EDARADD: variants seen among roughly 807,000 people sequenced by gnomAD.
The protein encoded by EDARADD is EDAR associated via death domain, also known as ectodysplasin-A receptor-associated adapter protein.
A neutral mutation model predicts 25.6 loss-of-function variants in EDARADD; 20 were observed. The observed-to-expected ratio is 0.78, with a 90% CI of 0.55 to 1.14. The LOEUF is 1.14. EDARADD is among the 50% of genes most tolerant of loss of function. The pLI, the probability that EDARADD is intolerant of heterozygous loss-of-function variation, is 0.00. For missense variants in EDARADD, 225 were observed against 270.1 expected (o/e 0.83, Z 1.17); for synonymous variants, 86 against 94.4 (o/e 0.91, Z 0.52).
rs144235068 is a variant in EDARADD at position 236,482,648 on chromosome 1, A to G, written c.647A>G (p.Ter216TrpextTer13). 5 of 1,611,738 alleles carry G rather than the reference A, an allele frequency of 3.1e-6. No homozygotes were observed. The East Asian group carries it at 1.1e-4, about 36-fold the overall frequency. The change falls in exon 6 of 6, where the codon TAG (stop) becomes TGG (tryptophan). Residue 216 changes from the stop codon to tryptophan, a stop_lost. Coordinates refer to ENST00000334232, the MANE Select transcript of EDARADD (RefSeq NM_145861.4). ...RERGDPSRHF* is the reference protein window; with the variant it reads ...RERGDPSRHFW ...CGTGGAGACCCCTCCAGGCACTTCT[A>G]GAGCTCTTCTTCTTCCTTCATTGGC...
chr1:236,374,057 T>G (rs941213924), intron 3 of EDARADD, among the ~76,000 whole-genome samples: 3 of 152,142 alleles, frequency 2.0e-5, no homozygotes, highest in African/African-American at 7.2e-5. Flanking sequence ...TCTTTTAAAT[T>G]TGTTGTGGTG....
At chr1:236,378,115 T>C (rs150512636) in intron 3 of EDARADD, among the ~76,000 whole-genome samples, 233 of 152,276 alleles carry the variant, frequency 1.5e-3, no homozygotes, top group African/African-American at 5.2e-3. Context: ...CACCCCCCTT[T>C]AGGTGGGATC....
rs552010575 is a variant in EDARADD at position 236,428,633 on chromosome 1, C to T, written c.219+1183C>T. Among the ~76,000 whole-genome samples the T allele has an allele frequency of 3.8e-4, 53 of 140,642 alleles. 1 individual carries two copies. The highest frequency in any genetic ancestry group is 1.2e-3 in the African/African-American group (44 of 37,898). 92.3% of individuals were successfully genotyped at this position (140,642 alleles called of 152,430 possible). A position where few individuals can be genotyped will look rare whatever the true frequency, so the allele number is the denominator to read the frequency against. On this transcript the variant is annotated intron_variant, in intron 4 of 5. Coordinates refer to ENST00000334232, the MANE Select transcript of EDARADD (RefSeq NM_145861.4). ...CCAGACATGGGCGGCCGGGCGGAGA[C>T]GCTCCTCACTTCCTAGACGGGATGG...
chr1:236,437,267 C>T (rs1434692134), intron 4 of EDARADD, among the ~76,000 whole-genome samples: 1 of 152,040 alleles, frequency 6.6e-6, no homozygotes. Flanking sequence ...TTTTCCCACC[C>T]CTGGGGCATA....
chr1:236,406,922 G>A (rs921791827), intron 1 of EDARADD, among the ~76,000 whole-genome samples: 25 of 152,230 alleles, frequency 1.6e-4, no homozygotes, highest in African/African-American at 5.5e-4. Flanking sequence ...TGCTTGGGCA[G>A]TAAGAGTTCT....
At chr1:236,427,360 T>C (rs745364283) in intron 3 of EDARADD, 32 bp from the exon 4 acceptor site, 1 of 1,597,926 alleles carries the variant, frequency 6.3e-7, no homozygotes, top group South Asian at 1.1e-5. Flanking sequence ...TCACACTTTG[T>C]TTCTTTCTTT....
intron 4 of EDARADD, among the ~76,000 whole-genome samples, chr1:236,459,512 GAGA>G (rs1205158310): frequency 6.6e-6 from 1 of 151,832 alleles, no homozygotes; most frequent in Non-Finnish European, 1.5e-5. Context: ...ACTCATTGTA[GAGA>G]AGAAAGATCT....
intron 3 of EDARADD, among the ~76,000 whole-genome samples, chr1:236,426,305 T>C (rs1571927349): frequency 6.6e-6 from 1 of 152,260 alleles, no homozygotes; most frequent in East Asian, 1.9e-4. Context: ...GATCACCTTC[T>C]CCTCACCCCT....
intron 3 of EDARADD, among the ~76,000 whole-genome samples, chr1:236,424,240 C>T (rs998294729): frequency 1.4e-5 from 2 of 139,162 alleles, no homozygotes; most frequent in Admixed American, 8.2e-5. Flanking sequence ...TGGGTCACTG[C>T]AGCCTTGACC....
chr1:236,483,413 C>A lies in EDARADD; in HGVS notation c.*764C>A. 3.4e-6 allele frequency: 4 copies of A among 1,172,812 alleles called. 1 individual carries two copies. The South Asian group carries it at 3.6e-5, about 11-fold the overall frequency. The allele number at this position is 1,172,812 out of a possible 1,614,324, so 72.7% of individuals were successfully genotyped here. A position where few individuals can be genotyped will look rare whatever the true frequency, so the allele number is the denominator to read the frequency against. On this transcript the variant is annotated 3_prime_UTR_variant, in exon 6 of 6. Coordinates refer to ENST00000334232, the MANE Select transcript of EDARADD (RefSeq NM_145861.4). The stretch of plus-strand genomic sequence containing the variant: ...CTGTCCTGGTTAGCAAGAAACTGAA[C>A]GTCACAGAACAAGAGAAGATTGACA...
intron 4 of EDARADD, among the ~76,000 whole-genome samples, chr1:236,435,120 G>A (rs937298171): frequency 2.6e-5 from 4 of 152,148 alleles, no homozygotes; most frequent in Non-Finnish European, 4.4e-5. Context: ...TATAGTTGAA[G>A]CCCTAGGCAT....
Position 236,394,322 on chromosome 1 carries a change from C to A in EDARADD, c.-123C>A. ...AAGTTTATCCTCCCACCTACAAATTCCCCAGAGAGCTTTCATCTAGAAGGT... is the reference window on the plus strand; with the variant it reads ...AAGTTTATCCTCCCACCTACAAATTACCCAGAGAGCTTTCATCTAGAAGGT... On this transcript the variant is annotated 5_prime_UTR_variant, in exon 1 of 6. Transcript: ENST00000334232. 1 of 1,088,126 alleles carries A rather than the reference C, an allele frequency of 9.2e-7. No individual in the cohort carries two copies. The highest frequency in any genetic ancestry group is 1.4e-6 in the Non-Finnish European group (1 of 714,980). 67.4% of individuals were successfully genotyped at this position (1,088,126 alleles called of 1,614,324 possible). A position where few individuals can be genotyped will look rare whatever the true frequency, so the allele number is the denominator to read the frequency against.
chr1:236,430,963 A>G (rs1658078993), intron 4 of EDARADD, among the ~76,000 whole-genome samples: 1 of 152,172 alleles, frequency 6.6e-6, no homozygotes, highest in Non-Finnish European at 1.5e-5. Flanking sequence ...TAAAACTACA[A>G]TAATTAGCAG....
At chr1:236,405,877 CTTT>C (rs1558112840) in intron 1 of EDARADD, among the ~76,000 whole-genome samples, 927 of 30,948 alleles carry the variant, frequency 0.03, 10 homozygotes, top group African/African-American at 0.092. Flanking sequence ...TTCCTTCCTT[CTTT>C]CTTTCTTTCT....
intron 5 of EDARADD, among the ~76,000 whole-genome samples, chr1:236,476,254 G>A (rs1342009823): frequency 6.6e-6 from 1 of 151,916 alleles, no homozygotes; most frequent in East Asian, 1.9e-4. Flanking sequence ...GAAACCTTCT[G>A]ATGTTTTTTT....
intron 3 of EDARADD, among the ~76,000 whole-genome samples, chr1:236,426,357 C>T (rs1340620033): frequency 6.6e-6 from 1 of 152,208 alleles, no homozygotes; most frequent in Non-Finnish European, 1.5e-5. Context: ...ACATCCAACA[C>T]TGGAGAGACA....
At chr1:236,434,231 A>G (rs752676103) in intron 4 of EDARADD, among the ~76,000 whole-genome samples, 18 of 151,538 alleles carry the variant, frequency 1.2e-4, no homozygotes, top group Non-Finnish European at 2.1e-4. Flanking sequence ...TTAAAACATT[A>G]TGAATTTTTT....
intron 5 of EDARADD, among the ~76,000 whole-genome samples, chr1:236,478,878 G>A (rs1019446555): frequency 3.3e-5 from 5 of 152,158 alleles, no homozygotes; most frequent in Admixed American, 6.5e-5. Flanking sequence ...GAGCCACCGC[G>A]CCCAGCGAGA....
chr1:236,371,305 G>A (rs896492847), intron 3 of EDARADD, among the ~76,000 whole-genome samples: 10 of 151,998 alleles, frequency 6.6e-5, no homozygotes, highest in East Asian at 5.8e-4. Flanking sequence ...TTGTTTATTC[G>A]TTTCAGGAGG....
Sources: allele counts gnomAD v4.1 joint callset (sites outside exome capture counted in the v4.1 genomes callset), GRCh38; gene constraint gnomAD v4.1.1; transcripts MANE v1.5; gene names NCBI Gene and HGNC (gene_info 2026-07-23, HGNC 2026-07-21).